VTI1A: variants seen among roughly 807,000 people sequenced by gnomAD.
VTI1A encodes vesicle transport through interaction with t-SNAREs homolog 1A.
A neutral mutation model predicts 34.9 loss-of-function variants in VTI1A; 22 were observed. That is an observed-to-expected ratio of 0.63 (90% CI 0.45 to 0.90). The LOEUF is 0.90. Ranked by LOEUF, VTI1A falls within the 40% of genes least tolerant of loss-of-function variation. The pLI is 0.00. For missense variants in VTI1A, 268 were observed against 275.6 expected (o/e 0.97, Z 0.20); for synonymous variants, 87 against 97.3 (o/e 0.89, Z 0.62).
At chr10:112,696,903 A>G (rs1454628632) in intron 7 of VTI1A, among the ~76,000 whole-genome samples, 2 of 152,208 alleles carry the variant, frequency 1.3e-5, no homozygotes, top group Non-Finnish European at 2.9e-5. Context: ...TCTGCTACAA[A>G]GGTGGCTGGC....
chr10:112,467,060 T>A (rs192114801), intron 3 of VTI1A, among the ~76,000 whole-genome samples: 1 of 152,348 alleles, frequency 6.6e-6, no homozygotes. Flanking sequence ...AGTCACATTC[T>A]CAGTATGGGA....
the VTI1A span, among the ~76,000 whole-genome samples, chr10:112,828,217 GT>G: frequency 6.6e-6 from 1 of 152,046 alleles, no homozygotes; most frequent in Admixed American, 6.6e-5. Context: ...GGTGTTTAGG[GT>G]TTTTTGTGTA....
At chr10:112,819,934 C>CA (rs1853621314), downstream of VTI1A, among the ~76,000 whole-genome samples, 1 of 152,188 alleles carries the variant, frequency 6.6e-6, no homozygotes, top group Non-Finnish European at 1.5e-5. Context: ...CCAGAGGGAC[C>CA]AGGCCCCTTA....
chr10:112,809,817 C>A lies in VTI1A; in HGVS notation c.561-5473C>A, dbSNP rs11196116. Among the ~76,000 whole-genome samples, 1,123 of 152,264 alleles carry A rather than the reference C, an allele frequency of 7.4e-3. 14 individuals are homozygous for A. The highest frequency in any genetic ancestry group is 0.05 in the East Asian group (260 of 5,170). On this transcript the variant is annotated intron_variant, in intron 7 of 7. Coordinates refer to ENST00000393077, the MANE Select transcript of VTI1A (RefSeq NM_145206.4). ...AAAGAAATTCGGACTGTGGAAGGTC[C>A]ACTTTTTACTGGGGACTGTAGTCAA... is the stretch of plus-strand genomic sequence containing the variant.
At chr10:112,776,635 TTATAATTTTC>T (rs1851963024) in intron 7 of VTI1A, among the ~76,000 whole-genome samples, 1 of 152,068 alleles carries the variant, frequency 6.6e-6, no homozygotes, top group African/African-American at 2.4e-5. Context: ...AGCCACATTA[TTATAATTTTC>T]TCACTTCCAA....
chr10:112,573,440 T>C (rs964683649), intron 5 of VTI1A, among the ~76,000 whole-genome samples: 2 of 152,204 alleles, frequency 1.3e-5, no homozygotes, highest in Non-Finnish European at 2.9e-5. Flanking sequence ...ATTCATGAAA[T>C]AATTTTATTA....
chr10:112,574,136 ACAAG>A (rs1199289458), intron 5 of VTI1A, among the ~76,000 whole-genome samples: 1 of 152,206 alleles, frequency 6.6e-6, no homozygotes, highest in Admixed American at 6.5e-5. Flanking sequence ...GATTGCAAAA[ACAAG>A]CAAAGTTTTA....
chr10:112,465,555 G>C (rs977350756), intron 3 of VTI1A, among the ~76,000 whole-genome samples: 4 of 152,208 alleles, frequency 2.6e-5, no homozygotes, highest in African/African-American at 7.2e-5. Flanking sequence ...TCTGTCACAT[G>C]CAACAACTTG....
In VTI1A at chr10:112,692,207, A is replaced by G. The variant is rs79250067; in HGVS notation, c.560+23209A>G. Among the ~76,000 whole-genome samples the G allele has an allele frequency of 1.9e-3, 294 of 152,306 alleles. 4 individuals carry two copies. The East Asian group carries it at 0.027, about 14-fold the overall frequency. ...AACTAATGCACATATATGTCTCCCT[A>G]TCTGTGCAGAAATGCTTTAAAGTTA... On this transcript the variant is annotated intron_variant, in intron 7 of 7. Transcript: ENST00000393077.
intron 5 of VTI1A, chr10:112,548,783 G>A (rs751778258): frequency 1.9e-5 from 28 of 1,490,742 alleles, no homozygotes; most frequent in Non-Finnish European, 2.4e-5. Flanking sequence ...ACACACATGG[G>A]CTTGCCAGGA....
At chr10:112,555,350 G>A (rs1005724463) in intron 5 of VTI1A, among the ~76,000 whole-genome samples, 7 of 151,996 alleles carry the variant, frequency 4.6e-5, no homozygotes, top group African/African-American at 1.4e-4. Context: ...TTTTACTTAC[G>A]TTTGTTTCTC....
intron 7 of VTI1A, chr10:112,737,223 A>G: frequency 1.4e-6 from 1 of 711,444 alleles, no homozygotes; most frequent in Non-Finnish European, 1.8e-6. Flanking sequence ...GGCACACACC[A>G]CCACGCCCAG....
intron 5 of VTI1A, among the ~76,000 whole-genome samples, chr10:112,591,749 G>A (rs1308579448): frequency 9.2e-5 from 14 of 152,162 alleles, no homozygotes. Flanking sequence ...GTGGGCAGAA[G>A]GGTCCCCTTC....
rs1033453120 is a variant in VTI1A, at chr10:112,817,617, G to A, written c.*2234G>A. ...TGCTTTGTGAGGAAGCTGGTCAGAA[G>A]GTTCCCTCAACTCCTTCCTGGTCCT... On this transcript the variant is annotated 3_prime_UTR_variant, in exon 8 of 8. Transcript: ENST00000393077. The A allele has an allele frequency of 4.4e-6, 1 of 229,068 alleles. No individual in the cohort carries two copies. The highest frequency in any genetic ancestry group is 8.7e-6 in the Non-Finnish European group (1 of 115,484). The allele number at this position is 229,068 out of a possible 1,614,324, so 14.2% of individuals were successfully genotyped here. A position where few individuals can be genotyped will look rare whatever the true frequency, so the allele number is the denominator to read the frequency against.
At chr10:112,719,137 T>G in intron 7 of VTI1A, among the ~76,000 whole-genome samples, 1 of 152,218 alleles carries the variant, frequency 6.6e-6, no homozygotes, top group East Asian at 1.9e-4. Flanking sequence ...CATTCAAACT[T>G]TGTCATTCTT....
In VTI1A at chr10:112,815,481, A is replaced by C. The variant is rs1345229923; in HGVS notation, c.*98A>C. ...TCATTCTGTTGCGCTGACAGGCCCC[A>C]GGTGACCCTCTCTCTCCCTCACCGC... is the stretch of plus-strand genomic sequence containing the variant. On this transcript the variant is annotated 3_prime_UTR_variant, in exon 8 of 8. Transcript: ENST00000393077. 10 of 1,073,442 alleles carry C rather than the reference A, an allele frequency of 9.3e-6. No homozygotes were observed. Among genetic ancestry groups the C allele is most frequent in the African/African-American group, 3.1e-5 (2 of 64,558 alleles). The allele number at this position is 1,073,442 out of a possible 1,614,324, so 66.5% of individuals were successfully genotyped here.
At chr10:112,674,954 G>T (rs745336511) in intron 7 of VTI1A, among the ~76,000 whole-genome samples, 8 of 152,136 alleles carry the variant, frequency 5.3e-5, no homozygotes, top group Non-Finnish European at 1.2e-4. Flanking sequence ...CACTATTATA[G>T]TTCCATTTCT....
At position 112,520,013 on chromosome 10, in the gene VTI1A, C is replaced by G. The variant is rs79369374; in HGVS notation, c.265-7074C>G. On this transcript the variant is annotated intron_variant, in intron 3 of 7. Coordinates refer to ENST00000393077, the MANE Select transcript of VTI1A (RefSeq NM_145206.4). ...TTATTTTAAAATACAAATGAAGCATCTATTGCAAAACATTTATTTATCAGA... is the reference window on the plus strand; with the variant it reads ...TTATTTTAAAATACAAATGAAGCATGTATTGCAAAACATTTATTTATCAGA... 6.4e-3 allele frequency among the ~76,000 whole-genome samples: 981 copies of G among 152,120 alleles called. 15 individuals carry two copies. The highest frequency in any genetic ancestry group is 0.023 in the African/African-American group (936 of 41,514).
At chr10:112,706,855 G>A (rs1005769513) in intron 7 of VTI1A, among the ~76,000 whole-genome samples, 2 of 152,092 alleles carry the variant, frequency 1.3e-5, no homozygotes, top group Admixed American at 6.6e-5. Flanking sequence ...CAGACCAGCA[G>A]CCCAACAGTT....
Sources: gnomAD v4.1 joint callset for allele counts (sites outside exome capture counted in the v4.1 genomes callset) on GRCh38, gnomAD v4.1.1 for gene constraint, MANE v1.5 for transcripts, NCBI Gene and HGNC (gene_info 2026-07-23, HGNC 2026-07-21) for gene names.